TMEM131L: variants seen among roughly 807,000 people sequenced by gnomAD.
TMEM131L encodes the protein transmembrane 131 like, also known as transmembrane protein 131-like.
A neutral mutation model predicts 192.2 loss-of-function variants in TMEM131L; 54 were observed. The ratio of observed to expected loss-of-function variants is 0.28; its 90% CI spans 0.23 to 0.35. The LOEUF (loss-of-function observed/expected upper bound fraction) is 0.35. Ranked by LOEUF, TMEM131L falls within the 10% of genes least tolerant of loss-of-function variation. The pLI is 1.00. For synonymous variants in TMEM131L, 701 were observed against 704.9 expected, an observed-to-expected ratio of 0.99 and a Z score of 0.09; for missense variants, 1,888 against 1,972.9, an observed-to-expected ratio of 0.96 and a Z score of 0.82.
chr4:153,523,349 G>A lies in TMEM131L; in HGVS notation c.240-26724G>A, dbSNP rs538072017. ...GTGTTGAATGGAATTCCTTCTATAA[G>A]ACGTGAGATTAGGCAGTTTGCCTTA... On this transcript the variant is annotated intron_variant, in intron 3 of 34. Coordinates refer to ENST00000409959, the MANE Select transcript of TMEM131L (RefSeq NM_001131007.2). 9.2e-5 allele frequency among the ~76,000 whole-genome samples: 14 copies of A among 152,300 alleles called. No individual in the cohort carries two copies. The South Asian group carries it at 2.3e-3, about 25-fold the overall frequency.
chr4:153,500,826 C>G (rs190204652), intron 3 of TMEM131L, among the ~76,000 whole-genome samples: 1 of 152,218 alleles, frequency 6.6e-6, no homozygotes. Context: ...CACACACACA[C>G]AGGCATGTGC....
At chr4:153,607,925 C>T (rs574631763) in intron 25 of TMEM131L, among the ~76,000 whole-genome samples, 3 of 152,290 alleles carry the variant, frequency 2.0e-5, no homozygotes, top group South Asian at 4.1e-4. Context: ...AACTCCATCT[C>T]TACCCAAAGA....
intron 21 of TMEM131L, among the ~76,000 whole-genome samples, chr4:153,600,383 A>C (rs896759330): frequency 4.0e-5 from 6 of 150,496 alleles, no homozygotes; most frequent in African/African-American, 9.8e-5. Context: ...AAAAAAAAAA[A>C]CATCAAAAAT....
intron 2 of TMEM131L, among the ~76,000 whole-genome samples, chr4:153,470,342 A>G (rs1246314074): frequency 6.6e-6 from 1 of 152,198 alleles, no homozygotes; most frequent in Non-Finnish European, 1.5e-5. Flanking sequence ...AGACTTGGGC[A>G]TTGGAGAGCA....
intron 7 of TMEM131L, among the ~76,000 whole-genome samples, chr4:153,562,271 C>T (rs925711474): frequency 3.3e-5 from 5 of 152,022 alleles, no homozygotes; most frequent in Admixed American, 6.6e-5. Flanking sequence ...CTCCTGACCT[C>T]GTGATCCGCC....
intron 28 of TMEM131L, 106 bp from the exon 29 acceptor site, chr4:153,622,792 G>T (rs1733529144): frequency 9.5e-7 from 1 of 1,053,464 alleles, no homozygotes; most frequent in Non-Finnish European, 1.5e-6. Flanking sequence ...AGAGGTAGCT[G>T]AAGGTGAACC....
intron 3 of TMEM131L, among the ~76,000 whole-genome samples, chr4:153,537,987 C>T (rs1020721304): frequency 6.6e-6 from 1 of 152,214 alleles, no homozygotes; most frequent in African/African-American, 2.4e-5. Flanking sequence ...TTTCACACAA[C>T]ACTGAACAAC....
intron 3 of TMEM131L, among the ~76,000 whole-genome samples, chr4:153,511,404 C>T (rs1400090846): frequency 6.6e-6 from 1 of 152,162 alleles, no homozygotes; most frequent in African/African-American, 2.4e-5. Context: ...CACATGTTCT[C>T]ACTTGTAAGT....
chr4:153,490,108 T>C (rs556654290), intron 3 of TMEM131L, among the ~76,000 whole-genome samples: 1 of 152,276 alleles, frequency 6.6e-6, no homozygotes, highest in East Asian at 1.9e-4. Flanking sequence ...GTCCGTGTAT[T>C]TCAGCTGCAG....
chr4:153,627,825 C>T (rs1578901712), intron 31 of TMEM131L, 138 bp downstream of exon 31: 2 of 657,998 alleles, frequency 3.0e-6, no homozygotes, highest in Middle Eastern at 3.2e-4. Flanking sequence ...GCAAGCCACA[C>T]GTTCATACAT....
intron 3 of TMEM131L, among the ~76,000 whole-genome samples, chr4:153,518,662 A>G (rs566257697): frequency 1.4e-4 from 22 of 152,328 alleles, no homozygotes; most frequent in African/African-American, 5.3e-4. Flanking sequence ...GAAATTTCCT[A>G]TTGACTGAAA....
rs1438731663 is a variant in TMEM131L at position 153,603,885 on chromosome 4, A to G, written c.2873A>G (p.Gln958Arg). ...GKNCLPVNTP[Q>R]SRIQNAAKRS... ...AACTGCCTTCCAGTGAACACTCCCC[A>G]AAGCAGGATCCAGAATGCTGCAAAG... Residue 958 changes from glutamine to arginine, a missense_variant, in exon 25 of 35, where the codon CAA becomes CGA. Physicochemically the swap from Gln to Arg is conservative, Grantham distance 43. Coordinates refer to ENST00000409959, the MANE Select transcript of TMEM131L (RefSeq NM_001131007.2). 5.6e-6 allele frequency: 9 copies of G among 1,614,168 alleles called. No individual in the cohort carries two copies. Among genetic ancestry groups the G allele is most frequent in the Non-Finnish European group, 7.6e-6 (9 of 1,179,992 alleles).
At position 153,580,582 on chromosome 4, in the gene TMEM131L, C is replaced by T. The variant is rs561890179; in HGVS notation, c.661-244C>T. ...TGTAATAAGGAATTTTCATGTTGCC[C>T]GAGGGAGAACTTATGATTTTCATTA... On this transcript the variant is annotated intron_variant, in intron 7 of 34. Coordinates refer to ENST00000409959, the MANE Select transcript of TMEM131L (RefSeq NM_001131007.2). Among the ~76,000 whole-genome samples, 21 of 152,146 alleles carry T rather than the reference C, an allele frequency of 1.4e-4. No homozygotes were observed. The South Asian group carries it at 3.9e-3, about 29-fold the overall frequency.
intron 3 of TMEM131L, among the ~76,000 whole-genome samples, chr4:153,498,202 G>A (rs1733327773): frequency 6.6e-6 from 1 of 152,226 alleles, no homozygotes; most frequent in Admixed American, 6.5e-5. Context: ...TCTGGACAGA[G>A]CCAGGGGTTT....
At chr4:153,576,310 A>G (rs1366877827) in intron 7 of TMEM131L, among the ~76,000 whole-genome samples, 1 of 152,114 alleles carries the variant, frequency 6.6e-6, no homozygotes, top group African/African-American at 2.4e-5. Flanking sequence ...TTTTTCTTTT[A>G]GAAAAATTAG....
chr4:153,492,082 A>G (rs28678822), intron 3 of TMEM131L, among the ~76,000 whole-genome samples: 82,394 of 151,724 alleles, frequency 0.54, 23,052 homozygotes, highest in African/African-American at 0.69. Flanking sequence ...GCTCGCTGCA[A>G]CCTTGAAATC....
chr4:153,529,236 A>G (rs572617124), intron 3 of TMEM131L, among the ~76,000 whole-genome samples: 5 of 152,336 alleles, frequency 3.3e-5, no homozygotes, highest in African/African-American at 1.2e-4. Context: ...TGCACTGGTA[A>G]AAGAAATGAT....
chr4:153,605,440 TCA>T (rs1472500833), intron 25 of TMEM131L, among the ~76,000 whole-genome samples: 1 of 152,274 alleles, frequency 6.6e-6, no homozygotes, highest in African/African-American at 2.4e-5. Context: ...CAATCTTGGC[TCA>T]CTGCAACCTC....
At chr4:153,586,881 T>C (rs1730735844) in intron 14 of TMEM131L, among the ~76,000 whole-genome samples, 1 of 152,200 alleles carries the variant, frequency 6.6e-6, no homozygotes, top group Non-Finnish European at 1.5e-5. Flanking sequence ...TAAATTATAT[T>C]TAATTTAGAC....
Sources: gnomAD v4.1 joint callset for allele counts (sites outside exome capture counted in the v4.1 genomes callset) on GRCh38, gnomAD v4.1.1 for gene constraint, MANE v1.5 for transcripts, NCBI Gene and HGNC (gene_info 2026-07-23, HGNC 2026-07-21) for gene names.